Variants in LTBP1 observed in about 807,000 individuals in gnomAD.
LTBP1 encodes latent transforming growth factor beta binding protein 1.
A neutral mutation model predicts 207.6 loss-of-function variants in LTBP1; 129 were observed. The ratio of observed to expected loss-of-function variants is 0.62; its 90% CI spans 0.54 to 0.72. The LOEUF is 0.72. Ranked by LOEUF, LTBP1 falls within the 30% of genes least tolerant of loss-of-function variation. The probability of loss-of-function intolerance (pLI) is 0.00; values close to 1 mark genes in which losing one functional copy is unlikely to be tolerated. For missense variants in LTBP1, 2,281 were observed against 2,217.2 expected (o/e 1.03, Z -0.58); for synonymous variants, 963 against 833.7 (o/e 1.16, Z -2.67).
Position 33,126,750 on chromosome 2 carries a change from C to T in LTBP1, c.1034-8043C>T, listed in dbSNP as rs113299395. ...AATGATGAGATCTATTGAGTTTGGC[C>T]GTAGTCCCATAGGGGGAGTAGTTGG... On this transcript the variant is annotated intron_variant, in intron 4 of 33. Transcript: ENST00000404816. Among the ~76,000 whole-genome samples the T allele has an allele frequency of 2.2e-3, 335 of 151,950 alleles. 2 individuals carry two copies. Among genetic ancestry groups the T allele is most frequent in the Non-Finnish European group, 3.4e-3 (229 of 67,980 alleles).
At chr2:33,150,836 A>G (rs1238651503) in intron 5 of LTBP1, among the ~76,000 whole-genome samples, 4 of 148,684 alleles carry the variant, frequency 2.7e-5, no homozygotes, top group Non-Finnish European at 5.9e-5. Context: ...CCCAGGTTCA[A>G]ACGATTCTCT....
intron 24 of LTBP1, among the ~76,000 whole-genome samples, chr2:33,342,342 ACT>A (rs999700073): frequency 6.6e-6 from 1 of 152,014 alleles, no homozygotes; most frequent in African/African-American, 2.4e-5. Context: ...ACTTCATCAG[ACT>A]CTCTCTTGAC....
At chr2:33,234,662 G>C (rs1000227155) in intron 9 of LTBP1, among the ~76,000 whole-genome samples, 3 of 152,118 alleles carry the variant, frequency 2.0e-5, no homozygotes, top group African/African-American at 7.2e-5. Context: ...GTAATTTATA[G>C]ATTCAATGCT....
chr2:33,291,437 C>T (rs1176182746), intron 19 of LTBP1: 3 of 152,202 alleles, frequency 2.0e-5, no homozygotes, highest in Admixed American at 6.5e-5. Context: ...ATGACATTTT[C>T]CTGTTGCTGT....
chr2:33,299,732 T>C (rs2093947848), intron 20 of LTBP1, among the ~76,000 whole-genome samples: 1 of 152,248 alleles, frequency 6.6e-6, no homozygotes, highest in Non-Finnish European at 1.5e-5. Context: ...TTACCAGACG[T>C]GTTCAAGTTA....
At chr2:33,007,853 CT>C (rs1470244163) in intron 2 of LTBP1, among the ~76,000 whole-genome samples, 1 of 152,130 alleles carries the variant, frequency 6.6e-6, no homozygotes, top group Non-Finnish European at 1.5e-5. Context: ...CATATAAGCG[CT>C]CTTTGTATTA....
chr2:33,325,881 CT>C (rs2094420125), intron 24 of LTBP1, among the ~76,000 whole-genome samples: 1 of 151,520 alleles, frequency 6.6e-6, no homozygotes, highest in Non-Finnish European at 1.5e-5. Context: ...TCTTTTTTTC[CT>C]TTAAAAATTT....
At chr2:33,081,422 C>T (rs80186756) in intron 3 of LTBP1, among the ~76,000 whole-genome samples, 1,568 of 152,176 alleles carry the variant, frequency 0.01, 23 homozygotes, top group African/African-American at 0.036. Flanking sequence ...CACATGCACA[C>T]ACACATATGT....
intron 9 of LTBP1, among the ~76,000 whole-genome samples, chr2:33,235,262 A>T (rs1018859040): frequency 6.6e-6 from 1 of 152,250 alleles, no homozygotes. Context: ...GACACTTCTC[A>T]AAAGAAGACA....
At chr2:32,971,521 A>G (rs1184639246) in intron 2 of LTBP1, among the ~76,000 whole-genome samples, 2 of 152,272 alleles carry the variant, frequency 1.3e-5, no homozygotes, top group Admixed American at 6.5e-5. Context: ...GATTGTTATC[A>G]AAAGCCTTTT....
chr2:33,228,775 C>T (rs2091611792), intron 9 of LTBP1, among the ~76,000 whole-genome samples: 1 of 138,676 alleles, frequency 7.2e-6, no homozygotes, highest in Non-Finnish European at 1.5e-5. Flanking sequence ...TCTCGGCTCA[C>T]TGCAATCTCC....
intron 5 of LTBP1, among the ~76,000 whole-genome samples, chr2:33,160,832 A>T (rs1245427817): frequency 6.6e-6 from 1 of 152,216 alleles, no homozygotes; most frequent in African/African-American, 2.4e-5. Context: ...CGGAGATGAC[A>T]TCTAGGCCCA....
chr2:33,089,010 G>A (rs1056931086), intron 3 of LTBP1, among the ~76,000 whole-genome samples: 1 of 151,756 alleles, frequency 6.6e-6, no homozygotes, highest in Non-Finnish European at 1.5e-5. Context: ...ACAAAAATTA[G>A]CCAGGTGTGG....
chr2:33,150,759 C>T (rs2083461560), intron 5 of LTBP1, among the ~76,000 whole-genome samples: 1 of 123,010 alleles, frequency 8.1e-6, no homozygotes, highest in African/African-American at 3.2e-5. Context: ...CGCTCTGTTG[C>T]CCAGGCTGGA....
chr2:33,217,740 G>C, intron 8 of LTBP1, 86 bp downstream of exon 8: 1 of 922,274 alleles, frequency 1.1e-6, no homozygotes, highest in Non-Finnish European at 1.7e-6. Flanking sequence ...GGCAATATTA[G>C]ACTTTCAAAG....
intron 9 of LTBP1, among the ~76,000 whole-genome samples, chr2:33,237,517 G>A (rs2092106211): frequency 6.6e-6 from 1 of 152,106 alleles, no homozygotes; most frequent in Non-Finnish European, 1.5e-5. Flanking sequence ...AAGTCAAGTG[G>A]ATACAATAGG....
rs201777796 is a variant in LTBP1 at position 33,134,781 on chromosome 2, C to G, written c.1034-12C>G. 7.5e-4 allele frequency: 1,215 copies of G among 1,614,052 alleles called. 2 individuals carry two copies. The highest frequency in any genetic ancestry group is 7.2e-4 in the Non-Finnish European group (845 of 1,180,016). On this transcript the variant is annotated splice_polypyrimidine_tract_variant and intron_variant, in intron 4 of 33. Coordinates refer to ENST00000404816, the MANE Select transcript of LTBP1 (RefSeq NM_206943.4). This position sits in a 1 kb window ranked among gnomAD's most constrained non-coding sequence, Gnocchi z 4.4. ...TGTTTGTTGTTCTTTTTCTCCCTGC[C>G]TCCGCTCCTAGTGAGTAACCACACT...
At chr2:33,226,029 G>A (rs2091416553) in intron 9 of LTBP1, among the ~76,000 whole-genome samples, 1 of 152,132 alleles carries the variant, frequency 6.6e-6, no homozygotes, top group Non-Finnish European at 1.5e-5. Context: ...TATGACTGGT[G>A]CTGCAATAAT....
chr2:33,193,267 G>A lies in LTBP1; in HGVS notation c.1701+4416G>A, dbSNP rs972772993. Among the ~76,000 whole-genome samples the A allele has an allele frequency of 2.0e-5, 3 of 151,934 alleles. 1 individual carries two copies. Among genetic ancestry groups the A allele is most frequent in the Admixed American group, 1.3e-4 (2 of 15,244 alleles). On this transcript the variant is annotated intron_variant, in intron 7 of 33. Transcript: ENST00000404816. ...AGGGATTCTCCTGCCTCAGCCTCCCGAGTGGCTGGAATTACAGGTGTGCAC... is the reference window on the plus strand; with the variant it reads ...AGGGATTCTCCTGCCTCAGCCTCCCAAGTGGCTGGAATTACAGGTGTGCAC...
Sources: gnomAD v4.1 joint callset for allele counts (sites outside exome capture counted in the v4.1 genomes callset) on GRCh38, gnomAD v4.1.1 for gene constraint, Gnocchi (gnomAD v3.1) non-coding constraint, MANE v1.5 for transcripts, NCBI Gene and HGNC (gene_info 2026-07-23, HGNC 2026-07-21) for gene names.